The following PHKA2 variants were observed in gnomAD, a reference collection of about 807,000 sequenced individuals.
PHKA2 encodes phosphorylase b kinase regulatory subunit alpha, liver isoform.
PHKA2 carries 31 observed loss-of-function variants against 102.0 expected under a neutral mutation model. The ratio of observed to expected loss-of-function variants is 0.30; its 90% confidence interval spans 0.23 to 0.41. The LOEUF (loss-of-function observed/expected upper bound fraction) is 0.41, where lower values mean the gene tolerates loss of function less well. Ranked by LOEUF, PHKA2 falls within the 10% of genes least tolerant of loss-of-function variation. The probability of loss-of-function intolerance (pLI) is 1.00; values close to 1 mark genes in which losing one functional copy is unlikely to be tolerated. For missense variants in PHKA2, 858 were observed against 1,023.1 expected, an observed-to-expected ratio of 0.84 and a Z score of 2.20; for synonymous variants, 455 against 416.2, an observed-to-expected ratio of 1.09 and a Z score of -1.13.
intron 6 of PHKA2, among the ~76,000 whole-genome samples, chrX:18,944,791 T>C (rs1601767487): frequency 8.9e-6 from 1 of 112,191 alleles, no homozygotes; most frequent in East Asian, 2.8e-4. Context: ...ACATCACACG[T>C]GCAGCTTCTT....
rs752013719 is a variant in PHKA2 at position 18,897,138 on chromosome X, C to T, written c.3282+25G>A. ...GGACAGTAAGGGGACGGTTCACTTC[C>T]CCAGGAGCTCGCGTCTCGGCTTACC... On this transcript the variant is annotated intron_variant, in intron 30 of 32. Transcript: ENST00000379942. 184 of 1,206,819 alleles carry T rather than the reference C, an allele frequency of 1.5e-4. 3 individuals carry two copies. In the South Asian group the frequency reaches 3.0e-3, roughly 20 times the overall value.
rs148874025 is a variant in PHKA2 at position 18,954,962 on chromosome X, C to T, written c.79-550G>A. ...GCCAAGCAAGAGGACATCTGGGAGTCCTATTTAGCTATGATATCACGGGTA... is the reference window on the plus strand; with the variant it reads ...GCCAAGCAAGAGGACATCTGGGAGTTCTATTTAGCTATGATATCACGGGTA... On this transcript the variant is annotated intron_variant, in intron 1 of 32. Coordinates refer to ENST00000379942, the MANE Select transcript of PHKA2 (RefSeq NM_000292.3). Among the ~76,000 whole-genome samples, 754 of 112,021 alleles carry T rather than the reference C, an allele frequency of 6.7e-3. 1 individual carries two copies. The highest frequency in any genetic ancestry group is 0.015 in the South Asian group (42 of 2,720).
At chrX:18,925,624 AAG>A (rs1364698528) in intron 15 of PHKA2, 42 bp downstream of exon 15, 2 of 737,268 alleles carry the variant, frequency 2.7e-6, no homozygotes, top group Non-Finnish European at 4.3e-6. Context: ...CCAGACAGCA[AAG>A]AGAACTTAAA....
In PHKA2 at chrX:18,913,790, A is replaced by G. The variant is rs6633168; in HGVS notation, c.2138-2830T>C. ...TTTTTAAACTTTTTTTAAAAAATGAAAACACAAACACACACATTAGGCCTA... is the reference window on the plus strand; with the variant it reads ...TTTTTAAACTTTTTTTAAAAAATGAGAACACAAACACACACATTAGGCCTA... On this transcript the variant is annotated intron_variant, in intron 19 of 32. Coordinates refer to ENST00000379942, the MANE Select transcript of PHKA2 (RefSeq NM_000292.3). Among the ~76,000 whole-genome samples, 156 of 112,075 alleles carry G rather than the reference A, an allele frequency of 1.4e-3. 3 individuals carry two copies. The East Asian group carries it at 0.039, about 28-fold the overall frequency.
chrX:18,914,229 G>A (rs1408913857), intron 19 of PHKA2, among the ~76,000 whole-genome samples: 1 of 112,049 alleles, frequency 8.9e-6, no homozygotes, highest in Non-Finnish European at 1.9e-5. Context: ...GGGGACCACC[G>A]CCATATATGC....
chrX:18,918,531 G>C lies in PHKA2; in HGVS notation c.2137+150C>G, dbSNP rs943926548. The C allele has an allele frequency of 2.3e-4, 116 of 509,754 alleles. No homozygotes were observed. In the Admixed American group the frequency reaches 3.2e-3, roughly 14 times the overall value. 42.0% of individuals were successfully genotyped at this position (509,754 alleles called of 1,213,427 possible). On this transcript the variant is annotated intron_variant, in intron 19 of 32. Transcript: ENST00000379942. The stretch of plus-strand genomic sequence containing the variant: ...AGATATGTACATACCAGAAGAAAGA[G>C]CTAAAAGAGTTGAAAGTGGTTACCT...
intron 4 of PHKA2, among the ~76,000 whole-genome samples, chrX:18,949,515 A>G (rs2048640041): frequency 1.8e-5 from 2 of 112,040 alleles, no homozygotes; most frequent in Admixed American, 1.9e-4. Flanking sequence ...AGATGGGGTC[A>G]AAGTTGGTAT....
intron 5 of PHKA2, among the ~76,000 whole-genome samples, chrX:18,945,442 G>A (rs1260796462): frequency 1.8e-5 from 2 of 112,210 alleles, no homozygotes; most frequent in Non-Finnish European, 3.8e-5. Context: ...AACTCTGGAT[G>A]TATGGAGAAC....
intron 19 of PHKA2, among the ~76,000 whole-genome samples, chrX:18,911,285 T>C (rs1287806389): frequency 9.1e-6 from 1 of 110,405 alleles, no homozygotes; most frequent in African/African-American, 3.3e-5. Context: ...GTGATTCTCC[T>C]GCCTCGGCCT....
In PHKA2 at chrX:18,908,836, G is replaced by C; in HGVS notation, c.2325C>G (p.Asp775Glu). 1 of 1,209,406 alleles carries C rather than the reference G, an allele frequency of 8.3e-7. No individual in the cohort carries two copies. Among genetic ancestry groups the C allele is most frequent in the Non-Finnish European group, 1.1e-6 (1 of 893,385 alleles). ...AAAGAATGTACAGAATGTCTGCTTGGTCCTGTAGGTTCGAACAATCTTTTA... is the reference window on the plus strand; with the variant it reads ...AAAGAATGTACAGAATGTCTGCTTGCTCCTGTAGGTTCGAACAATCTTTTA... ...EQLKDCSNLQ[D>E]QADILYILYV... Residue 775 changes from aspartate (D) to glutamate (E), a missense_variant, in exon 21 of 33, where the codon GAC (aspartate) becomes GAG (glutamate). Asp to Glu is a conservative substitution (Grantham distance 45). Transcript: ENST00000379942.
rs772046031 is a variant in PHKA2, at chrX:18,896,806, C to T, written c.3282+357G>A. On this transcript the variant is annotated intron_variant, in intron 30 of 32. Transcript: ENST00000379942. ...TCCTAAAATACGTCCAAGTTGGTCC[C>T]ACACAACCACAACCTAGACTGCCAC... 4.5e-5 allele frequency among the ~76,000 whole-genome samples: 5 copies of T among 111,936 alleles called. No individual in the cohort carries two copies. The South Asian group carries it at 1.9e-3, about 42-fold the overall frequency.
rs1336003630 is a variant in PHKA2, at chrX:18,894,416, A to G, written c.3337-12T>C. The G allele has an allele frequency of 8.4e-7, 1 of 1,192,074 alleles. No homozygotes were observed. The highest frequency in any genetic ancestry group is 2.2e-5 in the Admixed American group (1 of 46,091). On this transcript the variant is annotated splice_polypyrimidine_tract_variant and intron_variant, in intron 31 of 32. Transcript: ENST00000379942. ...TCATGCGGGGTCATCTACCAAAGGG[A>G]CAGGCAGGCAACCACCAGTGAGAGG...
At chrX:18,947,243 C>T (rs1444395319) in intron 5 of PHKA2, among the ~76,000 whole-genome samples, 1 of 111,961 alleles carries the variant, frequency 8.9e-6, no homozygotes, top group African/African-American at 3.2e-5. Flanking sequence ...ACTCTCTGGC[C>T]CTTTACAGAA....
At position 18,939,083 on chromosome X, in the gene PHKA2, G is replaced by A. The variant is rs143761558; in HGVS notation, c.919-334C>T. Among the ~76,000 whole-genome samples, 128 of 112,649 alleles carry A rather than the reference G, an allele frequency of 1.1e-3. 2 individuals are homozygous for A. The East Asian group carries it at 0.031, about 27-fold the overall frequency. ...TCAGTGTGGCAAAGAAACCCGAGGA[G>A]GAGGCCACAGTCGGTCTTTAAGAAA... On this transcript the variant is annotated intron_variant, in intron 9 of 32. Transcript: ENST00000379942.
rs1331117419 is a variant in PHKA2, at chrX:18,938,639, A to G, written c.1029T>C (p.Gly343=). The G allele has an allele frequency of 2.5e-6, 3 of 1,204,922 alleles. No individual in the cohort carries two copies. The highest frequency in any genetic ancestry group is 2.2e-6 in the Non-Finnish European group (2 of 889,050). The change falls in exon 10 of 33, where the codon GGT becomes GGC. Residue 343 remains glycine (G), a synonymous_variant. Coordinates refer to ENST00000379942, the MANE Select transcript of PHKA2 (RefSeq NM_000292.3). ...TYFIIDGVFS[G]DAVQVQEYRE... The stretch of plus-strand genomic sequence containing the variant: ...AGCATTTTCTCACCTGAACAGCATC[A>G]CCACTGAAGACTCCATCTATTATAA...
chrX:18,939,978 C>T lies in PHKA2; in HGVS notation c.918+17G>A. The T allele has an allele frequency of 1.8e-6, 2 of 1,102,652 alleles. No homozygotes were observed. Among genetic ancestry groups the T allele is most frequent in the Non-Finnish European group, 2.5e-6 (2 of 796,539 alleles). 90.9% of individuals were successfully genotyped at this position (1,102,652 alleles called of 1,213,427 possible). ...GAAACAGTTGAGGAAAGATAAGAAA[C>T]AATATTTAAATACAACCTCTCTTGG... On this transcript the variant is annotated intron_variant, in intron 9 of 32. Transcript: ENST00000379942.
chrX:18,905,784 C>T lies in PHKA2; in HGVS notation c.2882G>A (p.Gly961Glu). ...ACTTCTTTCAACGCCAAACTCTTTC[C>T]CACTTAGAATATGGTGCAGGAGATT... ...MKNLLHHILS[G>E]KEFGVERSVR... The change falls in exon 26 of 33, where the codon GGG becomes GAG. Residue 961 changes from glycine to glutamate, a missense_variant. Around this residue, in one of 2 missense-constraint regions of PHKA2, gnomAD observed 671 missense variants for 745.2 expected, o/e 0.90. Coordinates refer to ENST00000379942, the MANE Select transcript of PHKA2 (RefSeq NM_000292.3). 1.7e-6 allele frequency: 2 copies of T among 1,206,068 alleles called. No homozygotes were observed. Among genetic ancestry groups the T allele is most frequent in the Non-Finnish European group, 2.2e-6 (2 of 890,061 alleles).
chrX:18,922,666 A>T (rs980914602), intron 17 of PHKA2, among the ~76,000 whole-genome samples: 1 of 105,402 alleles, frequency 9.5e-6, no homozygotes, highest in Non-Finnish European at 2.0e-5. Context: ...AGTCAAACTC[A>T]TGGAGGCAGA....
rs373857042 is a variant in PHKA2 at position 18,941,595 on chromosome X, C to T, written c.798G>A (p.Pro266=). The T allele has an allele frequency of 4.7e-5, 56 of 1,187,935 alleles. No individual in the cohort carries two copies. The highest frequency in any genetic ancestry group is 6.1e-5 in the Non-Finnish European group (53 of 874,721). Residue 266 remains proline, a synonymous_variant, in exon 8 of 33, where the codon CCG becomes CCA. Coordinates refer to ENST00000379942, the MANE Select transcript of PHKA2 (RefSeq NM_000292.3). The part of the protein sequence containing the change: ...DAGLLSIISF[P]AFAVEDVNLV... ...GGTTTACATCTTCCACTGCAAAGGC[C>T]GGGAAGGAAATAATGGAAAGAAGTC... is the stretch of plus-strand genomic sequence containing the variant.
Sources: gnomAD v4.1 joint callset for allele counts (sites outside exome capture counted in the v4.1 genomes callset) on GRCh38, gnomAD v4.1.1 for gene constraint, gnomAD v4.1.1 regional missense constraint, MANE v1.5 for transcripts, NCBI Gene and HGNC (gene_info 2026-07-23, HGNC 2026-07-21) for gene names.